FOXN3: variants seen among roughly 807,000 people sequenced by gnomAD.
The protein encoded by FOXN3 is forkhead box N3.
Under a neutral mutation model 38.4 loss-of-function variants are expected in FOXN3, and 7 were observed. That is an observed-to-expected ratio of 0.18 (90% CI 0.10 to 0.34). The LOEUF is 0.34. FOXN3 is among the 10% of genes least tolerant of loss of function. The pLI is 1.00. For synonymous variants in FOXN3, 230 were observed against 242.2 expected (o/e 0.95, Z 0.47); for missense variants, 456 against 613.4 (o/e 0.74, Z 2.71).
chr14:89,271,472 C>T (rs1447673919), intron 4 of FOXN3, among the ~76,000 whole-genome samples: 1 of 152,080 alleles, frequency 6.6e-6, no homozygotes, highest in East Asian at 1.9e-4. Context: ...TTTTTAAATG[C>T]TCAAAAATTA....
At chr14:89,194,735 A>G (rs1402758297) in intron 4 of FOXN3, among the ~76,000 whole-genome samples, 1 of 150,546 alleles carries the variant, frequency 6.6e-6, no homozygotes, top group Non-Finnish European at 1.5e-5. Context: ...AAAACACTAG[A>G]TGGATATAAT....
intron 1 of FOXN3, among the ~76,000 whole-genome samples, chr14:89,579,652 C>A (rs746895861): frequency 6.6e-6 from 1 of 151,954 alleles, no homozygotes; most frequent in Non-Finnish European, 1.5e-5. Context: ...TCTTCCTGTT[C>A]CTCAGACATG....
At chr14:89,364,629 G>C (rs1220361470) in intron 2 of FOXN3, 2 of 152,158 alleles carry the variant, frequency 1.3e-5, no homozygotes, top group Non-Finnish European at 1.5e-5. Context: ...ATATGAAAAG[G>C]CTTCCACTCT....
chr14:89,550,499 C>T (rs1223796474), intron 1 of FOXN3, among the ~76,000 whole-genome samples: 2 of 152,106 alleles, frequency 1.3e-5, no homozygotes, highest in East Asian at 3.8e-4. Flanking sequence ...AATTGTCTGC[C>T]GGTGACAGAG....
intron 5 of FOXN3, among the ~76,000 whole-genome samples, chr14:89,172,078 T>C (rs942423849): frequency 4.6e-5 from 7 of 152,154 alleles, no homozygotes; most frequent in Non-Finnish European, 8.8e-5. Context: ...AGAAAATACA[T>C]CATATTAATT....
At chr14:89,454,923 A>G (rs768927036) in intron 1 of FOXN3, among the ~76,000 whole-genome samples, 2 of 152,156 alleles carry the variant, frequency 1.3e-5, no homozygotes, top group South Asian at 2.1e-4. Flanking sequence ...TATGGTTCCT[A>G]TATGTTCCAG....
chr14:89,436,766 T>C (rs1892283815), intron 1 of FOXN3, among the ~76,000 whole-genome samples: 1 of 152,182 alleles, frequency 6.6e-6, no homozygotes, highest in Non-Finnish European at 1.5e-5. Context: ...AAGAAAGCCA[T>C]AGTTTGACAA....
chr14:89,505,987 G>C (rs1221122827), intron 1 of FOXN3, among the ~76,000 whole-genome samples: 1 of 149,460 alleles, frequency 6.7e-6, no homozygotes, highest in Non-Finnish European at 1.5e-5. Flanking sequence ...AGTGAGGAGC[G>C]TCTCCGCCTG....
At chr14:89,479,373 C>T (rs1893277694) in intron 1 of FOXN3, among the ~76,000 whole-genome samples, 2 of 152,190 alleles carry the variant, frequency 1.3e-5, no homozygotes, top group South Asian at 4.1e-4. Context: ...GACCCTGTTG[C>T]AAAGTCATTC....
intron 2 of FOXN3, among the ~76,000 whole-genome samples, chr14:89,352,705 T>C (rs576265273): frequency 2.6e-5 from 4 of 152,350 alleles, no homozygotes; most frequent in East Asian, 1.9e-4. Context: ...GTTCTCATCA[T>C]GGTGGCTTTC....
At chr14:89,526,642 G>T (rs2139829235) in intron 1 of FOXN3, among the ~76,000 whole-genome samples, 1 of 152,296 alleles carries the variant, frequency 6.6e-6, no homozygotes, top group East Asian at 1.9e-4. Flanking sequence ...GTTCATGGAA[G>T]ATTCACTATT....
chr14:89,178,104 C>T (rs554428758), intron 5 of FOXN3, among the ~76,000 whole-genome samples: 10 of 152,206 alleles, frequency 6.6e-5, no homozygotes, highest in African/African-American at 2.2e-4. Flanking sequence ...ACCTCCCAGG[C>T]TCAAGGGATC....
intron 4 of FOXN3, among the ~76,000 whole-genome samples, chr14:89,262,613 G>A (rs1305351318): frequency 6.6e-6 from 1 of 152,092 alleles, no homozygotes; most frequent in Non-Finnish European, 1.5e-5. Flanking sequence ...TAACTCTTTC[G>A]GGAAAACAAA....
At chr14:89,328,600 C>T (rs1888147056) in intron 3 of FOXN3, among the ~76,000 whole-genome samples, 1 of 152,188 alleles carries the variant, frequency 6.6e-6, no homozygotes, top group Non-Finnish European at 1.5e-5. Flanking sequence ...AAGAGACATT[C>T]CCACCAGCAG....
chr14:89,481,455 G>A (rs775119917), intron 1 of FOXN3, among the ~76,000 whole-genome samples: 6 of 151,960 alleles, frequency 3.9e-5, no homozygotes, highest in East Asian at 1.9e-4. Flanking sequence ...CCTGGCTCAC[G>A]GCTGGAACTT....
intron 1 of FOXN3, among the ~76,000 whole-genome samples, chr14:89,584,933 C>G (rs369723818): frequency 1.6e-4 from 25 of 152,244 alleles, no homozygotes; most frequent in African/African-American, 6.0e-4. Flanking sequence ...CCAGGCTGGT[C>G]TTGAACTCCT....
intron 1 of FOXN3, among the ~76,000 whole-genome samples, chr14:89,530,317 G>A (rs907466766): frequency 1.3e-5 from 2 of 152,152 alleles, no homozygotes; most frequent in African/African-American, 4.8e-5. Context: ...TGACAATCAT[G>A]GTGGAAGGCA....
At chr14:89,333,994 AT>A (rs1566959336) in intron 3 of FOXN3, among the ~76,000 whole-genome samples, 9 of 62,482 alleles carry the variant, frequency 1.4e-4, no homozygotes, top group East Asian at 1.0e-3. Flanking sequence ...ATATATATAT[AT>A]ATATATATAT....
intron 3 of FOXN3, among the ~76,000 whole-genome samples, chr14:89,325,289 C>CCAACACCACCAA (rs1555418091): frequency 7.8e-6 from 1 of 128,656 alleles, no homozygotes. Flanking sequence ...AACACCAACA[C>CCAACACCACCAA]CACCAACACC....
Sources: gnomAD v4.1 joint callset for allele counts (sites outside exome capture counted in the v4.1 genomes callset) on GRCh38, gnomAD v4.1.1 for gene constraint, MANE v1.5 for transcripts, NCBI Gene and HGNC (gene_info 2026-07-23, HGNC 2026-07-21) for gene names.